SLC39A11: variants seen among roughly 807,000 people sequenced by gnomAD.
SLC39A11 encodes the protein zinc transporter ZIP11.
Under a neutral mutation model 36.1 loss-of-function variants are expected in SLC39A11, and 33 were observed. The ratio of observed to expected loss-of-function variants is 0.91; its 90% CI spans 0.69 to 1.22. The LOEUF is 1.22. SLC39A11 is among the 50% of genes most tolerant of loss of function. The pLI is 0.00. For missense variants in SLC39A11, 432 were observed against 430.3 expected (o/e 1.00, Z -0.03); for synonymous variants, 166 against 170.3 (o/e 0.97, Z 0.20).
At chr17:73,049,766 C>T (rs1462723405) in intron 3 of SLC39A11, among the ~76,000 whole-genome samples, 2 of 152,138 alleles carry the variant, frequency 1.3e-5, no homozygotes, top group African/African-American at 2.4e-5. Context: ...TAAGAGCAGA[C>T]TGGCCATAAA....
intron 4 of SLC39A11, among the ~76,000 whole-genome samples, chr17:72,982,174 A>G (rs1308710979): frequency 6.6e-6 from 1 of 152,146 alleles, no homozygotes; most frequent in Non-Finnish European, 1.5e-5. Context: ...CTAAAACCCT[A>G]TAGGGATGGG....
intron 7 of SLC39A11, among the ~76,000 whole-genome samples, chr17:72,721,357 A>G (rs1316963060): frequency 8.6e-5 from 13 of 151,996 alleles, no homozygotes; most frequent in Non-Finnish European, 4.4e-5. Flanking sequence ...TCACCCTCCC[A>G]AAGTGTTGGG....
At chr17:72,905,041 C>T (rs1039894025) in intron 5 of SLC39A11, among the ~76,000 whole-genome samples, 3 of 151,732 alleles carry the variant, frequency 2.0e-5, no homozygotes, top group African/African-American at 7.3e-5. Context: ...GGCGAGGTGG[C>T]GGGCACCTGT....
chr17:72,660,483 T>C (rs892154596), intron 7 of SLC39A11, among the ~76,000 whole-genome samples: 1 of 152,140 alleles, frequency 6.6e-6, no homozygotes, highest in Non-Finnish European at 1.5e-5. Flanking sequence ...CTGAAGGTTG[T>C]GGAGCTGGGA....
intron 7 of SLC39A11, among the ~76,000 whole-genome samples, chr17:72,716,529 C>G (rs745696732): frequency 5.3e-5 from 8 of 151,584 alleles, no homozygotes; most frequent in African/African-American, 1.9e-4. Flanking sequence ...AGCCGCCGCT[C>G]TTCTCCAAGT....
intron 4 of SLC39A11, among the ~76,000 whole-genome samples, chr17:72,988,271 G>A (rs2088910513): frequency 6.6e-6 from 1 of 152,168 alleles, no homozygotes; most frequent in Admixed American, 6.5e-5. Context: ...CGGCCAACAT[G>A]GTGAAATCCC....
chr17:72,656,284 G>A lies in SLC39A11; in HGVS notation c.672-7016C>T, dbSNP rs550267366. On this transcript the variant is annotated intron_variant, in intron 7 of 9. Coordinates refer to ENST00000255559, the MANE Select transcript of SLC39A11 (RefSeq NM_139177.4). Reference sequence around the variant, plus strand: ...AGACACTATTACTAGTCTGGACCACGACACATTAATGGGAAGGAGAGGGAA... The same window carrying A: ...AGACACTATTACTAGTCTGGACCACAACACATTAATGGGAAGGAGAGGGAA... Among the ~76,000 whole-genome samples the A allele has an allele frequency of 3.3e-5, 5 of 152,246 alleles. No homozygotes were observed. The East Asian group carries it at 5.8e-4, about 18-fold the overall frequency.
intron 4 of SLC39A11, among the ~76,000 whole-genome samples, chr17:72,949,392 C>T (rs2085704461): frequency 6.6e-6 from 1 of 151,808 alleles, no homozygotes; most frequent in African/African-American, 2.4e-5. Flanking sequence ...AACTCCTGAC[C>T]TCAAGTGATC....
At chr17:72,951,595 T>C (rs79238326) in intron 4 of SLC39A11, among the ~76,000 whole-genome samples, 1,882 of 152,072 alleles carry the variant, frequency 0.012, 49 homozygotes, top group African/African-American at 0.043. Flanking sequence ...CATGATAAAC[T>C]AAAAAATAAG....
chr17:72,740,056 C>CTTTTTTTTTTTTTTTTTTT (rs386386565), intron 6 of SLC39A11, among the ~76,000 whole-genome samples: 1 of 81,462 alleles, frequency 1.2e-5, no homozygotes, highest in Non-Finnish European at 2.1e-5. Flanking sequence ...CTTTCCTTTT[C>CTTTTTTTTTTTTTTTTTTT]TTTTTTTTTT....
At chr17:72,897,715 A>G (rs921755719) in intron 5 of SLC39A11, among the ~76,000 whole-genome samples, 3 of 152,206 alleles carry the variant, frequency 2.0e-5, no homozygotes, top group African/African-American at 7.2e-5. Flanking sequence ...ACAAAATCCA[A>G]GCTTCAAAAG....
At chr17:72,904,959 G>A (rs1237615500) in intron 5 of SLC39A11, among the ~76,000 whole-genome samples, 1 of 149,896 alleles carries the variant, frequency 6.7e-6, no homozygotes, top group African/African-American at 2.5e-5. Context: ...GGATCACGAG[G>A]TCAGGAGATC....
chr17:73,089,257 T>G (rs1263397956), intron 1 of SLC39A11, among the ~76,000 whole-genome samples: 1 of 152,124 alleles, frequency 6.6e-6, no homozygotes, highest in Non-Finnish European at 1.5e-5. Flanking sequence ...ACAGCGCACC[T>G]GCCCAGCCAA....
At chr17:72,860,241 C>G (rs2079907552) in intron 5 of SLC39A11, among the ~76,000 whole-genome samples, 1 of 152,032 alleles carries the variant, frequency 6.6e-6, no homozygotes, top group Non-Finnish European at 1.5e-5. Context: ...AGTCTCGCCA[C>G]CATCTTCCCA....
At position 73,019,046 on chromosome 17, in the gene SLC39A11, C is replaced by G. The variant is rs548904327; in HGVS notation, c.306+12510G>C. 2.0e-5 allele frequency among the ~76,000 whole-genome samples: 3 copies of G among 151,938 alleles called. No individual in the cohort carries two copies. In the East Asian group the frequency reaches 5.8e-4, roughly 29 times the overall value. On this transcript the variant is annotated intron_variant, in intron 4 of 9. Transcript: ENST00000255559. ...AATCTCATCTTCAACGTCCTAAAAG[C>G]AAAAAAACTGTTAACCTAGAATTCT... is the stretch of plus-strand genomic sequence containing the variant.
chr17:72,724,637 A>G (rs1435386867), intron 7 of SLC39A11, among the ~76,000 whole-genome samples: 1 of 152,058 alleles, frequency 6.6e-6, no homozygotes, highest in Non-Finnish European at 1.5e-5. Flanking sequence ...ATCCCTGATG[A>G]CTTCCTTTTC....
At chr17:73,044,221 C>T (rs1337393617) in intron 3 of SLC39A11, among the ~76,000 whole-genome samples, 7 of 152,042 alleles carry the variant, frequency 4.6e-5, no homozygotes, top group Non-Finnish European at 7.4e-5. Context: ...TGAAAACATA[C>T]GTCCACACAA....
At chr17:73,057,888 G>A (rs995114150) in intron 3 of SLC39A11, among the ~76,000 whole-genome samples, 3 of 152,186 alleles carry the variant, frequency 2.0e-5, no homozygotes, top group Non-Finnish European at 2.9e-5. Context: ...AGTGAGCCAA[G>A]ATCGTGCCAC....
intron 5 of SLC39A11, among the ~76,000 whole-genome samples, chr17:72,876,472 G>C (rs922898443): frequency 2.0e-5 from 3 of 152,066 alleles, no homozygotes; most frequent in African/African-American, 7.2e-5. Context: ...TGATATTTAT[G>C]GTTTCTTTTG....
Sources: gnomAD v4.1 joint callset for allele counts (sites outside exome capture counted in the v4.1 genomes callset) on GRCh38, gnomAD v4.1.1 for gene constraint, MANE v1.5 for transcripts, NCBI Gene and HGNC (gene_info 2026-07-23, HGNC 2026-07-21) for gene names.